The following LARS2 variants were observed in gnomAD, a reference collection of about 807,000 sequenced individuals.
LARS2 encodes leucine--tRNA ligase, mitochondrial.
Under a neutral mutation model 116.6 loss-of-function variants are expected in LARS2, and 81 were observed. The observed-to-expected ratio is 0.69, with a 90% CI of 0.58 to 0.84. The LOEUF (loss-of-function observed/expected upper bound fraction) is 0.84, where lower values mean the gene tolerates loss of function less well. LARS2 is among the 40% of genes least tolerant of loss of function. LARS2 has a pLI of 0.00. For synonymous variants in LARS2, 396 were observed against 407.2 expected, an observed-to-expected ratio of 0.97 and a Z score of 0.33; for missense variants, 968 against 1,114.5, an observed-to-expected ratio of 0.87 and a Z score of 1.87.
intron 4 of LARS2, among the ~76,000 whole-genome samples, chr3:45,401,723 T>C (rs1404596529): frequency 6.6e-6 from 1 of 152,086 alleles, no homozygotes; most frequent in Non-Finnish European, 1.5e-5. Flanking sequence ...CAGGCTCAAC[T>C]TCCGACTCTG....
At chr3:45,466,204 G>T (rs1699422097) in intron 8 of LARS2, among the ~76,000 whole-genome samples, 1 of 152,034 alleles carries the variant, frequency 6.6e-6, no homozygotes, top group Non-Finnish European at 1.5e-5. Flanking sequence ...CTGTTTCTTG[G>T]GTGTACAGGT....
intron 21 of LARS2, among the ~76,000 whole-genome samples, chr3:45,544,616 C>A (rs1027181751): frequency 7.0e-4 from 106 of 152,182 alleles, no homozygotes; most frequent in African/African-American, 2.5e-3. Flanking sequence ...CACAGACAGG[C>A]AGATGTGTGA....
chr3:45,407,033 C>A (rs879088078), intron 4 of LARS2, among the ~76,000 whole-genome samples: 2 of 152,206 alleles, frequency 1.3e-5, no homozygotes, highest in Admixed American at 1.3e-4. Flanking sequence ...AAGTCCCCCT[C>A]ACAGAGTTGG....
chr3:45,505,096 A>AG (rs1700180521), intron 15 of LARS2, among the ~76,000 whole-genome samples: 2 of 151,796 alleles, frequency 1.3e-5, no homozygotes, highest in East Asian at 3.9e-4. Flanking sequence ...TAAAAAAAAA[A>AG]GCAAAGAAAA....
In LARS2 at chr3:45,390,716, G is replaced by C. The variant is rs999246952; in HGVS notation, c.-87-867G>C. On this transcript the variant is annotated intron_variant, in intron 1 of 21. Transcript: ENST00000645846. ...CACCCAGGCTGGAGTGCAGTGGCGT[G>C]ATCTCAGCTCACTGCAAGCTCCGCC... 6.2e-5 allele frequency among the ~76,000 whole-genome samples: 9 copies of C among 144,268 alleles called. No homozygotes were observed. The East Asian group carries it at 1.1e-3, about 17-fold the overall frequency. The allele number at this position is 144,268 out of a possible 152,430, so 94.6% of individuals were successfully genotyped here. A position where few individuals can be genotyped will look rare whatever the true frequency, so the allele number is the denominator to read the frequency against.
chr3:45,488,294 A>G (rs1699850297), intron 11 of LARS2, among the ~76,000 whole-genome samples: 1 of 152,114 alleles, frequency 6.6e-6, no homozygotes, highest in Non-Finnish European at 1.5e-5. Flanking sequence ...TTAGCCAGGC[A>G]TGGTAGCGCA....
At chr3:45,422,679 T>C (rs1559463696) in intron 6 of LARS2, among the ~76,000 whole-genome samples, 1 of 152,228 alleles carries the variant, frequency 6.6e-6, no homozygotes, top group Non-Finnish European at 1.5e-5. Flanking sequence ...TATTATTTCA[T>C]GACTAAACTA....
chr3:45,483,958 G>C (rs1699748673), intron 10 of LARS2: 1 of 151,810 alleles, frequency 6.6e-6, no homozygotes, highest in Admixed American at 6.6e-5. Context: ...CAGCACTTCG[G>C]GAGGCCAAAA....
chr3:45,442,715 G>A (rs1698933654), intron 6 of LARS2, among the ~76,000 whole-genome samples: 1 of 152,160 alleles, frequency 6.6e-6, no homozygotes, highest in Non-Finnish European at 1.5e-5. Context: ...ATGCTTAACA[G>A]AGATAGGGCT....
intron 6 of LARS2, among the ~76,000 whole-genome samples, chr3:45,424,933 T>G (rs543933772): frequency 6.6e-6 from 1 of 152,318 alleles, no homozygotes; most frequent in Non-Finnish European, 1.5e-5. Context: ...GAAGAACTTT[T>G]TCATGTTTGC....
intron 15 of LARS2, among the ~76,000 whole-genome samples, chr3:45,506,243 A>T (rs974486637): frequency 6.6e-6 from 1 of 152,116 alleles, no homozygotes; most frequent in Admixed American, 6.6e-5. Flanking sequence ...TGCTGCTGTC[A>T]GCATTACTCT....
At chr3:45,546,483 AG>A (rs1276237058) in intron 21 of LARS2, among the ~76,000 whole-genome samples, 1 of 152,226 alleles carries the variant, frequency 6.6e-6, no homozygotes, top group Non-Finnish European at 1.5e-5. Flanking sequence ...AATGCCACCA[AG>A]TTCTGCAAAA....
chr3:45,500,064 C>T (rs537432712), intron 14 of LARS2, among the ~76,000 whole-genome samples: 8 of 152,226 alleles, frequency 5.3e-5, no homozygotes, highest in African/African-American at 1.4e-4. Context: ...TGCAATGGCA[C>T]GATCTTGGCT....
At chr3:45,489,256 A>C (rs752156102) in intron 12 of LARS2, among the ~76,000 whole-genome samples, 6 of 152,200 alleles carry the variant, frequency 3.9e-5, no homozygotes, top group Non-Finnish European at 8.8e-5. Context: ...CTAGCATGAA[A>C]CAGCAGCACT....
intron 6 of LARS2, among the ~76,000 whole-genome samples, chr3:45,435,189 C>T (rs1439144894): frequency 6.6e-6 from 1 of 152,132 alleles, no homozygotes; most frequent in African/African-American, 2.4e-5. Context: ...TCCATTCGAC[C>T]TCCTCTGACA....
At chr3:45,396,208 T>G (rs1698041121) in intron 3 of LARS2, among the ~76,000 whole-genome samples, 1 of 152,256 alleles carries the variant, frequency 6.6e-6, no homozygotes, top group Admixed American at 6.5e-5. Context: ...GGGCATTGTG[T>G]GTGATCCCCT....
chr3:45,507,654 A>T (rs1409467355), intron 15 of LARS2, among the ~76,000 whole-genome samples: 1 of 152,118 alleles, frequency 6.6e-6, no homozygotes, highest in East Asian at 1.9e-4. Flanking sequence ...GGAGAAATTC[A>T]TCTGAAGTAA....
chr3:45,462,178 A>G (rs1469425133), intron 8 of LARS2, among the ~76,000 whole-genome samples: 1 of 152,190 alleles, frequency 6.6e-6, no homozygotes, highest in East Asian at 1.9e-4. Context: ...CCAAGACTGA[A>G]CTGGGATAGG....
In LARS2 at chr3:45,513,183, A is replaced by G. The variant is rs1700314494; in HGVS notation, c.1809A>G (p.Thr603=). 1 of 1,613,854 alleles carries G rather than the reference A, an allele frequency of 6.2e-7. No individual in the cohort carries two copies. Among genetic ancestry groups the G allele is most frequent in the African/African-American group, 1.3e-5 (1 of 74,910 alleles). Residue 603 remains threonine (T), a synonymous_variant, in exon 16 of 22, where the codon ACA becomes ACG. Coordinates refer to ENST00000645846, the MANE Select transcript of LARS2 (RefSeq NM_015340.4). ...CCCAAGGCCTTATCAAGGGGCAGACATTCCGCCTACCATCTGGACAGTATC... is the reference window on the plus strand; with the variant it reads ...CCCAAGGCCTTATCAAGGGGCAGACGTTCCGCCTACCATCTGGACAGTATC... ...LLAQGLIKGQ[T]FRLPSGQYLQ...
Sources: gnomAD v4.1 joint callset for allele counts (sites outside exome capture counted in the v4.1 genomes callset) on GRCh38, gnomAD v4.1.1 for gene constraint, MANE v1.5 for transcripts, NCBI Gene and HGNC (gene_info 2026-07-23, HGNC 2026-07-21) for gene names.